Variants in TNIP3 observed in about 807,000 individuals in gnomAD.
TNIP3 encodes the protein TNFAIP3-interacting protein 3.
TNIP3 carries 34 observed loss-of-function variants against 54.1 expected under a neutral mutation model. That is an observed-to-expected ratio of 0.63 (90% CI 0.48 to 0.84). The LOEUF (loss-of-function observed/expected upper bound fraction) is 0.84, where lower values mean the gene tolerates loss of function less well. TNIP3 is among the 40% of genes least tolerant of loss of function. TNIP3 has a pLI of 0.00. For synonymous variants in TNIP3, 134 were observed against 136.8 expected (o/e 0.98, Z 0.14); for missense variants, 366 against 387.6 (o/e 0.94, Z 0.47).
At chr4:121,216,405 C>T (rs940229105) in intron 2 of TNIP3, 10 of 1,532,444 alleles carry the variant, frequency 6.5e-6, no homozygotes, top group Non-Finnish European at 8.7e-6. Flanking sequence ...TCCAAATAAA[C>T]TGTTATTACC....
chr4:121,215,900 TAACTG>T (rs1238296045), intron 2 of TNIP3, among the ~76,000 whole-genome samples: 1 of 144,408 alleles, frequency 6.9e-6, no homozygotes, highest in Admixed American at 6.9e-5. Context: ...AAAAAAGAAA[TAACTG>T]AACCAACGAA....
chr4:121,140,097 A>G (rs1729025330), intron 9 of TNIP3, among the ~76,000 whole-genome samples: 1 of 152,116 alleles, frequency 6.6e-6, no homozygotes, highest in East Asian at 1.9e-4. Context: ...GCACTTTGGG[A>G]GGCCAAGGTG....
chr4:121,155,516 G>C (rs1177875630), intron 4 of TNIP3, among the ~76,000 whole-genome samples: 1 of 152,050 alleles, frequency 6.6e-6, no homozygotes, highest in Non-Finnish European at 1.5e-5. Flanking sequence ...ATTTTTAAAA[G>C]GTAGAAATCA....
chr4:121,145,036 T>A (rs1194309844), intron 7 of TNIP3, among the ~76,000 whole-genome samples: 1 of 152,228 alleles, frequency 6.6e-6, no homozygotes, highest in East Asian at 1.9e-4. Context: ...TTACTTATTT[T>A]CACTGACTTA....
chr4:121,188,217 T>C (rs971445703), intron 2 of TNIP3, among the ~76,000 whole-genome samples: 10 of 152,080 alleles, frequency 6.6e-5, no homozygotes, highest in Admixed American at 5.2e-4. Context: ...CTCACAAGAA[T>C]AAATCAACAT....
chr4:121,222,804 G>GTTTTTTTTT (rs138758827), intron 1 of TNIP3, among the ~76,000 whole-genome samples: 52 of 105,762 alleles, frequency 4.9e-4, no homozygotes, highest in African/African-American at 1.9e-3. Context: ...TTTTTTGTGC[G>GTTTTTTTTT]TTTTTTTTTT....
At chr4:121,186,231 G>GACCC (rs1455408862) in intron 2 of TNIP3, among the ~76,000 whole-genome samples, 2 of 152,184 alleles carry the variant, frequency 1.3e-5, no homozygotes, top group African/African-American at 4.8e-5. Flanking sequence ...CAGACGTGGG[G>GACCC]GGGTTTGGTC....
rs1727297167 is a variant in TNIP3, at chr4:121,227,275, T to C, written c.3+110A>G. On this transcript the variant is annotated intron_variant, in intron 1 of 12. Coordinates refer to the TNIP3 transcript ENST00000509841. ...TACTGAGTTCCTGATCAGTTATATA[T>C]GTCTTTTTAATATGAGAACTTTATG... 6.4e-6 allele frequency: 6 copies of C among 932,532 alleles called. No homozygotes were observed. The Admixed American group carries it at 1.1e-4, about 17-fold the overall frequency. The allele number at this position is 932,532 out of a possible 1,614,324, so 57.8% of individuals were successfully genotyped here.
chr4:121,164,345 G>A, upstream of TNIP3: 1 of 1,302,680 alleles, frequency 7.7e-7, no homozygotes, highest in Middle Eastern at 2.9e-4. Flanking sequence ...CTGCAACTGG[G>A]ATTTTAACTT....
intron 2 of TNIP3, among the ~76,000 whole-genome samples, chr4:121,201,585 C>A (rs1174617340): frequency 6.6e-6 from 1 of 152,088 alleles, no homozygotes; most frequent in Non-Finnish European, 1.5e-5. Context: ...TAGCTTCATG[C>A]AATACATGTC....
At chr4:121,156,989 G>A in intron 4 of TNIP3, 105 bp downstream of exon 4, 1 of 1,469,774 alleles carries the variant, frequency 6.8e-7, no homozygotes, top group Non-Finnish European at 9.3e-7. Flanking sequence ...TCGTTGCTCA[G>A]TAGTGAGTTG....
At chr4:121,136,182 C>A (rs1177160840) in intron 10 of TNIP3, among the ~76,000 whole-genome samples, 1 of 152,098 alleles carries the variant, frequency 6.6e-6, no homozygotes, top group Non-Finnish European at 1.5e-5. Flanking sequence ...TAGTACCGTG[C>A]CTTTTACTTG....
chr4:121,139,214 C>T lies in TNIP3; in HGVS notation c.886-530G>A, dbSNP rs528005555. ...TTCCCTTTTTGCTGTTGTGAAGAAC[C>T]GATCCAGCAGAACCTATCCTCTAAA... is the stretch of plus-strand genomic sequence containing the variant. On this transcript the variant is annotated intron_variant, in intron 9 of 10. Coordinates refer to ENST00000057513, the MANE Select transcript of TNIP3 (RefSeq NM_024873.6). Among the ~76,000 whole-genome samples the T allele has an allele frequency of 7.9e-5, 12 of 152,272 alleles. No homozygotes were observed. In the South Asian group the frequency reaches 2.3e-3, roughly 29 times the overall value.
chr4:121,161,541 A>G (rs898231820), intron 1 of TNIP3, among the ~76,000 whole-genome samples: 1 of 152,242 alleles, frequency 6.6e-6, no homozygotes, highest in African/African-American at 2.4e-5. Flanking sequence ...TTCCAAAAAA[A>G]TGACAATTCA....
upstream of TNIP3, among the ~76,000 whole-genome samples, chr4:121,220,874 A>G (rs546454337): frequency 1.1e-4 from 16 of 152,248 alleles, no homozygotes; most frequent in African/African-American, 3.9e-4. Context: ...AAAAAGAGCA[A>G]TACGTTCAGT....
At chr4:121,227,342 T>C in intron 1 of TNIP3, 1 of 1,527,964 alleles carries the variant, frequency 6.5e-7, no homozygotes, top group Non-Finnish European at 8.8e-7. Flanking sequence ...CCCTGGTAAG[T>C]AAGCGAAATG....
intron 2 of TNIP3, among the ~76,000 whole-genome samples, chr4:121,190,417 C>T (rs887132478): frequency 1.3e-5 from 2 of 152,166 alleles, no homozygotes; most frequent in Non-Finnish European, 2.9e-5. Context: ...ACAAGAATAA[C>T]TAGATCTGAA....
intron 2 of TNIP3, among the ~76,000 whole-genome samples, chr4:121,184,730 G>GT (rs1724913813): frequency 6.6e-6 from 1 of 151,996 alleles, no homozygotes; most frequent in South Asian, 2.1e-4. Flanking sequence ...TATTTATATT[G>GT]TTTCTTTCAG....
intron 3 of TNIP3, among the ~76,000 whole-genome samples, chr4:121,170,497 T>A (rs6817294): frequency 0.044 from 6,725 of 152,296 alleles, 492 homozygotes; most frequent in African/African-American, 0.15. Flanking sequence ...TATTTTCTTT[T>A]TATTCATTTT....
Sources: allele counts gnomAD v4.1 joint callset (sites outside exome capture counted in the v4.1 genomes callset), GRCh38; gene constraint gnomAD v4.1.1; transcripts MANE v1.5; gene names NCBI Gene and HGNC (gene_info 2026-07-23, HGNC 2026-07-21).